DUOXA2: variants seen among roughly 807,000 people sequenced by gnomAD.
DUOXA2 encodes the protein dual oxidase maturation factor 2.
Under a neutral mutation model 27.6 loss-of-function variants are expected in DUOXA2, and 22 were observed. The ratio of observed to expected loss-of-function variants is 0.80; its 90% confidence interval spans 0.57 to 1.14. The LOEUF is 1.14. DUOXA2 is among the 50% of genes most tolerant of loss of function. DUOXA2 has a pLI of 0.00. For missense variants in DUOXA2, 481 were observed against 419.9 expected (o/e 1.15, Z -1.27); for synonymous variants, 188 against 184.4 (o/e 1.02, Z -0.16).
intron 5 of DUOXA2, 176 bp downstream of exon 5, chr15:45,117,481 G>T (rs1035643456): frequency 6.4e-7 from 1 of 1,550,916 alleles, no homozygotes; most frequent in Non-Finnish European, 8.7e-7. Context: ...GGGGGGCTCA[G>T]AAGGGTTTGG....
At position 45,117,223 on chromosome 15, in the gene DUOXA2, C is replaced by T. The variant is rs750248863; in HGVS notation, c.687C>T (p.Ser229=). The T allele has an allele frequency of 6.2e-7, 1 of 1,610,228 alleles. No homozygotes were observed. Among genetic ancestry groups the T allele is most frequent in the African/African-American group, 1.3e-5 (1 of 75,064 alleles). Reference sequence around the variant, plus strand: ...TCTTCGCCTTGGCCTCCATCTCTAGCGTGCCGCTCTGCCCGCTCCGCCTAG... The same window carrying T: ...TCTTCGCCTTGGCCTCCATCTCTAGTGTGCCGCTCTGCCCGCTCCGCCTAG... ...FGVFALASIS[S]VPLCPLRLGS... The change falls in exon 5 of 6, where the codon AGC becomes AGT. Residue 229 remains serine, a synonymous_variant. Transcript: ENST00000323030.
chr15:45,117,186 C>A lies in DUOXA2; in HGVS notation c.650C>A (p.Ala217Glu), dbSNP rs1214850648. Residue 217 changes from alanine to glutamate, a missense_variant, in exon 5 of 6, where the codon GCG (alanine) becomes GAG (glutamate). Physicochemically the swap from Ala to Glu is moderately radical, Grantham distance 107. Coordinates refer to ENST00000323030, the MANE Select transcript of DUOXA2 (RefSeq NM_207581.4). ...GCACTGCTGACCACCGGAGCCTTCGCGCTCTTCGGGGTCTTCGCCTTGGCC... is the reference window on the plus strand; with the variant it reads ...GCACTGCTGACCACCGGAGCCTTCGAGCTCTTCGGGGTCTTCGCCTTGGCC... ...GLALLTTGAF[A>E]LFGVFALASI... 1 of 1,606,970 alleles carries A rather than the reference C, an allele frequency of 6.2e-7. No homozygotes were observed. Among genetic ancestry groups the A allele is most frequent in the Admixed American group, 1.7e-5 (1 of 59,962 alleles).
intron 3 of DUOXA2, 65 bp downstream of exon 3, chr15:45,116,323 G>A: frequency 3.1e-6 from 5 of 1,604,212 alleles, no homozygotes; most frequent in Non-Finnish European, 3.4e-6. Context: ...GAGTGTGTCA[G>A]GGATAGCTGG....
rs1318328148 is a variant in DUOXA2 at position 45,117,158 on chromosome 15, C to G, written c.622C>G (p.Leu208Val). Residue 208 changes from leucine to valine, a missense_variant, in exon 5 of 6, where the codon CTG becomes GTG. Coordinates refer to ENST00000323030, the MANE Select transcript of DUOXA2 (RefSeq NM_207581.4). Reference sequence around the variant, plus strand: ...CACGCCGGCCCCGCTCTACGGAGGCCTGGCACTGCTGACCACCGGAGCCTT... The same window carrying G: ...CACGCCGGCCCCGCTCTACGGAGGCGTGGCACTGCTGACCACCGGAGCCTT... The part of the protein sequence containing the change: ...LSTPAPLYGG[L>V]ALLTTGAFAL... 1.9e-6 allele frequency: 3 copies of G among 1,604,032 alleles called. No homozygotes were observed. The highest frequency in any genetic ancestry group is 1.7e-5 in the Admixed American group (1 of 60,004).
At chr15:45,116,828 A>C (rs1290986902) in intron 4 of DUOXA2, 99 bp downstream of exon 4, 4 of 1,421,246 alleles carry the variant, frequency 2.8e-6, no homozygotes, top group Non-Finnish European at 3.9e-6. Flanking sequence ...GAGCAGCTGC[A>C]GCCAGACCCG....
chr15:45,115,479 A>T, intron 1 of DUOXA2: 1 of 558,082 alleles, frequency 1.8e-6, no homozygotes, highest in Non-Finnish European at 3.4e-6. Context: ...CTCACCAAGC[A>T]GTGACTGGAC....
In DUOXA2 at chr15:45,116,843, G is replaced by A. The variant is rs947267597; in HGVS notation, c.554+114G>A. The A allele has an allele frequency of 7.4e-5, 97 of 1,313,358 alleles. No individual in the cohort carries two copies. In the African/African-American group the frequency reaches 1.3e-3, roughly 17 times the overall value. The allele number at this position is 1,313,358 out of a possible 1,614,324, so 81.4% of individuals were successfully genotyped here. ...GAGCAGCTGCAGCCAGACCCGACGCGCTCGGGGTGGGCATGACAGCCTCGC... is the reference window on the plus strand; with the variant it reads ...GAGCAGCTGCAGCCAGACCCGACGCACTCGGGGTGGGCATGACAGCCTCGC... On this transcript the variant is annotated intron_variant, in intron 4 of 5. Transcript: ENST00000323030.
In DUOXA2 at chr15:45,116,146, G is replaced by C. The variant is rs377426710; in HGVS notation, c.228G>C (p.Trp76Cys). ...EIVAVHFSAEWFVGTVNTNTS... is the reference protein window; with the variant it reads ...EIVAVHFSAECFVGTVNTNTS... The stretch of plus-strand genomic sequence containing the variant: ...CAGCTGTGCACTTCAGTGCAGAATG[G>C]TTCGTGGGTACAGTGAACACCAACA... Residue 76 changes from tryptophan (W) to cysteine (C), a missense_variant, in exon 3 of 6, where the codon TGG (tryptophan) becomes TGC (cysteine). By Grantham distance (215) the Trp-to-Cys change is radical. Transcript: ENST00000323030. 4.8e-5 allele frequency: 78 copies of C among 1,613,892 alleles called. No homozygotes were observed. In the South Asian group the frequency reaches 8.3e-4, roughly 17 times the overall value.
rs751121404 is a variant in DUOXA2 at position 45,117,187 on chromosome 15, G to A, written c.651G>A (p.Ala217=). The change falls in exon 5 of 6, where the codon GCG becomes GCA. Residue 217 remains alanine, a synonymous_variant. Transcript: ENST00000323030. ...CACTGCTGACCACCGGAGCCTTCGC[G>A]CTCTTCGGGGTCTTCGCCTTGGCCT... is the stretch of plus-strand genomic sequence containing the variant. The part of the protein sequence containing the change: ...GLALLTTGAF[A]LFGVFALASI... 6.2e-7 allele frequency: 1 copy of A among 1,607,032 alleles called. No homozygotes were observed. Among genetic ancestry groups the A allele is most frequent in the African/African-American group, 1.3e-5 (1 of 75,040 alleles).
In DUOXA2 at chr15:45,115,852, T is replaced by G. The variant is rs1171916793; in HGVS notation, c.201T>G (p.Ile67Met). ...VLLSLFIGAE[I>M]VAVHFSAEWF... Reference sequence around the variant, plus strand: ...TCAGTCTGTTCATAGGCGCAGAAATTGTGGGTGAGTGTGTGGTGCAGCCCA... The same window carrying G: ...TCAGTCTGTTCATAGGCGCAGAAATGGTGGGTGAGTGTGTGGTGCAGCCCA... The change falls in exon 2 of 6, where the codon ATT (isoleucine) becomes ATG (methionine). Residue 67 changes from isoleucine to methionine, a missense_variant. Transcript: ENST00000323030. 1 of 1,613,836 alleles carries G rather than the reference T, an allele frequency of 6.2e-7. No homozygotes were observed. The highest frequency in any genetic ancestry group is 8.5e-7 in the Non-Finnish European group (1 of 1,180,002).
chr15:45,116,925 G>T (rs1894665903), intron 4 of DUOXA2, 166 bp from the exon 5 acceptor site: 4 of 1,058,024 alleles, frequency 3.8e-6, no homozygotes, highest in Admixed American at 2.1e-5. Flanking sequence ...TCCAGCCACC[G>T]CCTGGACCTC....
chr15:45,114,407 G>A lies in DUOXA2; in HGVS notation c.-199G>A, dbSNP rs988282303. 31 of 652,956 alleles carry A rather than the reference G, an allele frequency of 4.7e-5. No homozygotes were observed. In the South Asian group the frequency reaches 5.7e-4, roughly 12 times the overall value. 40.4% of individuals were successfully genotyped at this position (652,956 alleles called of 1,614,324 possible). On this transcript the variant is annotated 5_prime_UTR_variant, in exon 1 of 6. Coordinates refer to ENST00000323030, the MANE Select transcript of DUOXA2 (RefSeq NM_207581.4). ...GCTCGCCGGCTAGAAAAACTCTGTC[G>A]GTACCAACCCCAGAGCGTTGAGAGC...
chr15:45,117,509 T>A (rs774961349), intron 5 of DUOXA2: 15 of 1,553,876 alleles, frequency 9.7e-6, no homozygotes, highest in Admixed American at 2.0e-5. Flanking sequence ...CCGTGTTTCA[T>A]GTAATTCAGA....
Position 45,117,289 on chromosome 15 carries a change from G to A in DUOXA2, c.753G>A (p.Trp251Ter), listed in dbSNP as rs769776095. 1 of 1,598,156 alleles carries A rather than the reference G, an allele frequency of 6.3e-7. No individual in the cohort carries two copies. The highest frequency in any genetic ancestry group is 8.5e-7 in the Non-Finnish European group (1 of 1,170,376). Residue 251 changes from tryptophan to a stop codon, truncating the protein, a stop_gained, in exon 5 of 6, where the codon TGG becomes TGA. Coordinates refer to ENST00000323030, the MANE Select transcript of DUOXA2 (RefSeq NM_207581.4). LOFTEE classifies it low-confidence loss of function (END_TRUNC). ...CCACTCAGTACGGCGCCGCCTTCTG[G>A]GTCACGCTGGCAACCGGTGAGGACC... The part of the protein sequence containing the change: ...ALTTQYGAAF[W>*]VTLATGVLCL...
rs1225490545 is a variant in DUOXA2, at chr15:45,117,323, G to A, written c.769+18G>A. The A allele has an allele frequency of 6.4e-7, 1 of 1,569,826 alleles. No individual in the cohort carries two copies. Among genetic ancestry groups the A allele is most frequent in the East Asian group, 2.3e-5 (1 of 43,740 alleles). On this transcript the variant is annotated intron_variant, in intron 5 of 5. Transcript: ENST00000323030. ...GGCAACCGGTGAGGACCGAGAGAATGGGCCCCGGGGGCTAAGGGTGGAGAC... is the reference window on the plus strand; with the variant it reads ...GGCAACCGGTGAGGACCGAGAGAATAGGCCCCGGGGGCTAAGGGTGGAGAC...
At position 45,114,568 on chromosome 15, in the gene DUOXA2, C is replaced by T; in HGVS notation, c.-38C>T. On this transcript the variant is annotated 5_prime_UTR_variant, in exon 1 of 6. Transcript: ENST00000323030. ...CAGGCAGCCCCAGCTTGCTGGCTTG[C>T]CTGCCCGCCTGCGTGCAGCACTCGG... The T allele has an allele frequency of 6.2e-7, 1 of 1,611,044 alleles. No individual in the cohort carries two copies. The highest frequency in any genetic ancestry group is 8.5e-7 in the Non-Finnish European group (1 of 1,179,342).
At chr15:45,115,880 G>T in intron 2 of DUOXA2, 24 bp downstream of exon 2, 3 of 1,614,028 alleles carry the variant, frequency 1.9e-6, no homozygotes, top group Non-Finnish European at 2.5e-6. Flanking sequence ...GCAGCCCATG[G>T]GGAGAGGACG....
rs1377464675 is a variant in DUOXA2, at chr15:45,117,304, C to G, written c.768C>G (p.Thr256=). The change falls in exon 5 of 6, where the codon ACC becomes ACG. Residue 256 remains threonine (T), a splice_region_variant and synonymous_variant. Transcript: ENST00000323030. ...YGAAFWVTLA[T]GVLCLFLGGA... ...CCGCCTTCTGGGTCACGCTGGCAAC[C>G]GGTGAGGACCGAGAGAATGGGCCCC... is the stretch of plus-strand genomic sequence containing the variant. 6 of 1,589,286 alleles carry G rather than the reference C, an allele frequency of 3.8e-6. No individual in the cohort carries two copies. Among genetic ancestry groups the G allele is most frequent in the East Asian group, 2.3e-5 (1 of 44,274 alleles).
chr15:45,117,897 C>T lies in DUOXA2; in HGVS notation c.951C>T (p.Thr317=). ...QAALPDLKCI[T]TNL The stretch of plus-strand genomic sequence containing the variant: ...CTCTCCCAGACTTAAAATGTATCAC[C>T]ACTAACCTGTGAGGGGGACCCAATC... Residue 317 remains threonine (T), a synonymous_variant, in exon 6 of 6, where the codon ACC becomes ACT. Coordinates refer to ENST00000323030, the MANE Select transcript of DUOXA2 (RefSeq NM_207581.4). The T allele has an allele frequency of 1.2e-6, 2 of 1,613,420 alleles. No individual in the cohort carries two copies. The highest frequency in any genetic ancestry group is 1.6e-4 in the Middle Eastern group (1 of 6,062).
Sources: gnomAD v4.1 joint callset for allele counts on GRCh38, gnomAD v4.1.1 for gene constraint, MANE v1.5 for transcripts, NCBI Gene and HGNC (gene_info 2026-07-23, HGNC 2026-07-21) for gene names.